Variants in HS6ST3 observed in about 807,000 individuals in gnomAD.
HS6ST3 encodes heparan-sulfate 6-O-sulfotransferase 3.
In HS6ST3, 12 loss-of-function variants were observed where a neutral mutation model predicts 36.7. The ratio of observed to expected loss-of-function variants is 0.33; its 90% confidence interval spans 0.21 to 0.53. The LOEUF (loss-of-function observed/expected upper bound fraction) is 0.53. Ranked by LOEUF, HS6ST3 falls within the 20% of genes least tolerant of loss-of-function variation. HS6ST3 has a pLI of 0.95. For synonymous variants in HS6ST3, 240 were observed against 257.5 expected, an observed-to-expected ratio of 0.93 and a Z score of 0.65; for missense variants, 584 against 640.9, an observed-to-expected ratio of 0.91 and a Z score of 0.96.
intron 1 of HS6ST3, among the ~76,000 whole-genome samples, chr13:96,702,845 G>C: frequency 6.6e-6 from 1 of 152,150 alleles, no homozygotes. Context: ...AGATGAAGAG[G>C]GTAGGTGACC....
At chr13:96,770,051 G>A (rs375499218) in intron 1 of HS6ST3, among the ~76,000 whole-genome samples, 4 of 152,178 alleles carry the variant, frequency 2.6e-5, no homozygotes, top group African/African-American at 4.8e-5. Flanking sequence ...CCCTTGAAAC[G>A]CTCAGAAGTA....
intron 1 of HS6ST3, among the ~76,000 whole-genome samples, chr13:96,450,700 A>C (rs1238984047): frequency 1.3e-5 from 2 of 152,224 alleles, no homozygotes; most frequent in African/African-American, 4.8e-5. Context: ...TTAATAAGCA[A>C]TTATGCTGTA....
chr13:96,192,469 CT>C (rs2054292898), intron 1 of HS6ST3, among the ~76,000 whole-genome samples: 1 of 152,112 alleles, frequency 6.6e-6, no homozygotes, highest in South Asian at 2.1e-4. Context: ...TTGGGGTCCC[CT>C]GTGTCTATTA....
At chr13:96,753,645 G>T (rs1272317374) in intron 1 of HS6ST3, among the ~76,000 whole-genome samples, 3 of 152,054 alleles carry the variant, frequency 2.0e-5, no homozygotes, top group Admixed American at 1.3e-4. Context: ...TGTAGAAAAT[G>T]ACTCTTTGGT....
chr13:96,671,471 G>A (rs939219471), intron 1 of HS6ST3, among the ~76,000 whole-genome samples: 3 of 152,106 alleles, frequency 2.0e-5, no homozygotes, highest in Non-Finnish European at 2.9e-5. Flanking sequence ...CAGTTGCCAA[G>A]TATATTCATG....
intron 1 of HS6ST3, among the ~76,000 whole-genome samples, chr13:96,381,521 C>T (rs140935347): frequency 9.9e-4 from 151 of 152,218 alleles, no homozygotes; most frequent in Admixed American, 3.1e-3. Flanking sequence ...GGTTGCCTAG[C>T]TTCTCTGAGC....
At chr13:96,584,883 G>A (rs1222888586) in intron 1 of HS6ST3, among the ~76,000 whole-genome samples, 1 of 152,134 alleles carries the variant, frequency 6.6e-6, no homozygotes, top group Non-Finnish European at 1.5e-5. Context: ...AGCCATTGAG[G>A]GTTCACTTGC....
At chr13:96,473,245 C>G (rs912835664) in intron 1 of HS6ST3, among the ~76,000 whole-genome samples, 3 of 152,124 alleles carry the variant, frequency 2.0e-5, no homozygotes, top group African/African-American at 7.2e-5. Context: ...GAAATGGAGA[C>G]TTAGTTGTTA....
chr13:96,464,911 A>G (rs1029750219), intron 1 of HS6ST3, among the ~76,000 whole-genome samples: 9 of 150,614 alleles, frequency 6.0e-5, no homozygotes, highest in African/African-American at 1.7e-4. Context: ...CAGTGTCCAT[A>G]GTAAGTGCAT....
At chr13:96,519,322 C>G (rs537799459) in intron 1 of HS6ST3, among the ~76,000 whole-genome samples, 26 of 152,268 alleles carry the variant, frequency 1.7e-4, no homozygotes, top group Admixed American at 1.0e-3. Context: ...TAGAGAAGAG[C>G]TATGGCTTCA....
At chr13:96,633,917 T>G (rs2056540357) in intron 1 of HS6ST3, among the ~76,000 whole-genome samples, 1 of 152,108 alleles carries the variant, frequency 6.6e-6, no homozygotes, top group Non-Finnish European at 1.5e-5. Flanking sequence ...TCACATTGAT[T>G]CCCAATGTGA....
intron 1 of HS6ST3, among the ~76,000 whole-genome samples, chr13:96,782,215 G>A (rs780442432): frequency 1.4e-4 from 22 of 152,114 alleles, no homozygotes; most frequent in Non-Finnish European, 2.6e-4. Context: ...GTTTATATAC[G>A]TTAATCTTAA....
At chr13:96,267,808 G>C (rs9556537) in intron 1 of HS6ST3, among the ~76,000 whole-genome samples, 75,526 of 151,736 alleles carry the variant, frequency 0.5, 19,173 homozygotes, top group Middle Eastern at 0.6. Context: ...AGTAGGCAGG[G>C]GAAGGGGCAG....
chr13:96,560,394 A>G (rs1220833332), intron 1 of HS6ST3, among the ~76,000 whole-genome samples: 2 of 152,202 alleles, frequency 1.3e-5, no homozygotes, highest in African/African-American at 2.4e-5. Context: ...GGAGCCATGT[A>G]TGACAAACCC....
intron 1 of HS6ST3, among the ~76,000 whole-genome samples, chr13:96,699,772 T>C (rs1334434552): frequency 1.3e-5 from 2 of 152,240 alleles, no homozygotes; most frequent in Admixed American, 1.3e-4. Flanking sequence ...TAAAACATGC[T>C]GCTATAAAGA....
intron 1 of HS6ST3, among the ~76,000 whole-genome samples, chr13:96,446,481 A>C (rs1295090148): frequency 6.6e-6 from 1 of 152,140 alleles, no homozygotes; most frequent in Non-Finnish European, 1.5e-5. Flanking sequence ...AAGTGGGAGT[A>C]TTTTTCCCCT....
intron 1 of HS6ST3, among the ~76,000 whole-genome samples, chr13:96,207,807 A>C (rs976684992): frequency 1.3e-5 from 2 of 152,142 alleles, no homozygotes; most frequent in African/African-American, 4.8e-5. Flanking sequence ...TGTGGGGAAC[A>C]ACACACACAC....
intron 1 of HS6ST3, among the ~76,000 whole-genome samples, chr13:96,382,156 G>A (rs7321045): frequency 0.5 from 75,990 of 151,932 alleles, 19,420 homozygotes; most frequent in Middle Eastern, 0.61. Flanking sequence ...TTTTGCTAGA[G>A]GACCTTGTCA....
At chr13:96,628,507 G>T (rs1426638419) in intron 1 of HS6ST3, among the ~76,000 whole-genome samples, 1 of 151,956 alleles carries the variant, frequency 6.6e-6, no homozygotes, top group African/African-American at 2.4e-5. Context: ...AAATCAAATT[G>T]ATGCTGTCCA....
Sources: gnomAD v4.1 joint callset for allele counts (sites outside exome capture counted in the v4.1 genomes callset) on GRCh38, gnomAD v4.1.1 for gene constraint, MANE v1.5 for transcripts, NCBI Gene and HGNC (gene_info 2026-07-23, HGNC 2026-07-21) for gene names.